Variants in SF3B3 observed in about 807,000 individuals in gnomAD.
The protein encoded by SF3B3 is SAP 130.
A neutral mutation model predicts 139.2 loss-of-function variants in SF3B3; 33 were observed. The ratio of observed to expected loss-of-function variants is 0.24; its 90% CI spans 0.18 to 0.32. The LOEUF is 0.32. Ranked by LOEUF, SF3B3 falls within the 10% of genes least tolerant of loss-of-function variation. The probability of loss-of-function intolerance (pLI) is 1.00; values close to 1 mark genes in which losing one functional copy is unlikely to be tolerated. For synonymous variants in SF3B3, 596 were observed against 563.6 expected (o/e 1.06, Z -0.81); for missense variants, 818 against 1,509.4 (o/e 0.54, Z 7.59).
At chr16:70,557,094 T>C in intron 15 of SF3B3, 65 bp downstream of exon 15, 4 of 1,482,382 alleles carry the variant, frequency 2.7e-6, no homozygotes, top group Non-Finnish European at 2.7e-6. Flanking sequence ...CACTCCTTTG[T>C]TTGATAACAG....
chr16:70,566,595 A>C (rs2050479272), intron 20 of SF3B3, among the ~76,000 whole-genome samples: 1 of 152,276 alleles, frequency 6.6e-6, no homozygotes, highest in South Asian at 2.1e-4. Flanking sequence ...GGTAAACTTT[A>C]TGTTATGACT....
chr16:70,528,551 A>G (rs1206441449), intron 2 of SF3B3, among the ~76,000 whole-genome samples: 2 of 145,510 alleles, frequency 1.4e-5, no homozygotes, highest in Non-Finnish European at 3.0e-5. Context: ...AACCCACTAC[A>G]TTCTCTGAAC....
chr16:70,551,981 A>G (rs2050331689), intron 11 of SF3B3, among the ~76,000 whole-genome samples: 1 of 152,242 alleles, frequency 6.6e-6, no homozygotes, highest in Non-Finnish European at 1.5e-5. Context: ...GATGTAAAGC[A>G]GCTTTGAGAT....
At chr16:70,558,593 A>G (rs1239617216) in intron 15 of SF3B3, among the ~76,000 whole-genome samples, 1 of 151,858 alleles carries the variant, frequency 6.6e-6, no homozygotes, top group African/African-American at 2.4e-5. Context: ...ATTTGTCTTT[A>G]TTTAAAAAAA....
At chr16:70,551,618 C>T (rs1426282038) in intron 11 of SF3B3, among the ~76,000 whole-genome samples, 3 of 152,172 alleles carry the variant, frequency 2.0e-5, no homozygotes, top group Non-Finnish European at 1.5e-5. Context: ...AGGAGAATCG[C>T]TTGAACCTGG....
At chr16:70,550,823 C>T (rs1451606981) in intron 11 of SF3B3, 1 of 184,818 alleles carries the variant, frequency 5.4e-6, no homozygotes, top group Non-Finnish European at 1.0e-5. Flanking sequence ...TAGTGCTGCA[C>T]ACCATCTGCC....
Position 70,575,484 on chromosome 16 carries a change from C to CCACT in SF3B3, c.*3672_*3675dup, listed in dbSNP as rs1203750106. 1 of 152,360 alleles carries CCACT rather than the reference C, an allele frequency of 6.6e-6. No homozygotes were observed. The highest frequency in any genetic ancestry group is 6.5e-5 in the Admixed American group (1 of 15,280). 9.4% of individuals were successfully genotyped at this position (152,360 alleles called of 1,614,324 possible). A position where few individuals can be genotyped will look rare whatever the true frequency, so the allele number is the denominator to read the frequency against. ...AAAGCGCTGGGATTACAGGCGTGAG[C>CCACT]CACTGCACTTGGCCAGGAGCTGTTT... On this transcript the variant is annotated 3_prime_UTR_variant, in exon 26 of 26. Coordinates refer to ENST00000302516, the MANE Select transcript of SF3B3 (RefSeq NM_012426.5).
intron 4 of SF3B3, among the ~76,000 whole-genome samples, chr16:70,531,484 C>T (rs564368146): frequency 6.6e-6 from 1 of 152,050 alleles, no homozygotes; most frequent in Non-Finnish European, 1.5e-5. Context: ...ACTATGTTGG[C>T]CAGGCTGGTC....
At chr16:70,539,751 C>T (rs1449673901) in intron 8 of SF3B3, among the ~76,000 whole-genome samples, 1 of 151,304 alleles carries the variant, frequency 6.6e-6, no homozygotes, top group East Asian at 1.9e-4. Context: ...CTCTTCTGAG[C>T]TTTTTGCTGA....
Position 70,544,498 on chromosome 16 carries a change from C to G in SF3B3, c.1294C>G (p.Arg432Gly), listed in dbSNP as rs750809956. The change falls in exon 10 of 26, where the codon CGA becomes GGA. Residue 432 changes from arginine (R) to glycine (G), a missense_variant. Physicochemically the swap from Arg to Gly is moderately radical, Grantham distance 125. Transcript: ENST00000302516. ...GTATGTGGCCTGTGGTAGGGGACCCCGATCATCTCTGAGAGTCCTAAGACA... is the reference window on the plus strand; with the variant it reads ...GTATGTGGCCTGTGGTAGGGGACCCGGATCATCTCTGAGAGTCCTAAGACA... ...QLYVACGRGP[R>G]SSLRVLRHGL... is the part of the protein sequence containing the mutation. 6.2e-7 allele frequency: 1 copy of G among 1,611,714 alleles called. No homozygotes were observed. Among genetic ancestry groups the G allele is most frequent in the Non-Finnish European group, 8.5e-7 (1 of 1,177,916 alleles).
chr16:70,554,278 T>A, intron 11 of SF3B3, 168 bp from the exon 12 acceptor site: 1 of 586,142 alleles, frequency 1.7e-6, no homozygotes. Context: ...CCCCTAGTTT[T>A]CTTCTGGATC....
At position 70,571,088 on chromosome 16, in the gene SF3B3, C is replaced by T. The variant is rs1463128434; in HGVS notation, c.3409-7C>T. 2 of 1,609,968 alleles carry T rather than the reference C, an allele frequency of 1.2e-6. No individual in the cohort carries two copies. The highest frequency in any genetic ancestry group is 1.7e-6 in the Non-Finnish European group (2 of 1,176,458). On this transcript the variant is annotated splice_region_variant and splice_polypyrimidine_tract_variant and intron_variant, in intron 24 of 25. Transcript: ENST00000302516. ...CTCAGTGACAGATTTTTTGTTTCTT[C>T]TGCCAGGACCATGACTTCTTCCAGC...
At chr16:70,543,262 T>C (rs1393409308) in intron 9 of SF3B3, among the ~76,000 whole-genome samples, 1 of 150,764 alleles carries the variant, frequency 6.6e-6, no homozygotes, top group African/African-American at 2.4e-5. Flanking sequence ...AATACAAAAT[T>C]AGCCAGGCAT....
At chr16:70,556,797 T>G in intron 14 of SF3B3, 89 bp from the exon 15 acceptor site, 1 of 1,492,296 alleles carries the variant, frequency 6.7e-7, no homozygotes, top group South Asian at 1.2e-5. Flanking sequence ...GGAAGTACTT[T>G]TTCAATCCTA....
intron 2 of SF3B3, among the ~76,000 whole-genome samples, chr16:70,527,736 TTTTG>T (rs936494607): frequency 5.9e-5 from 9 of 152,010 alleles, no homozygotes; most frequent in South Asian, 2.1e-4. Context: ...CGTTTTTGTT[TTTTG>T]TTTGTTTTGT....
chr16:70,526,699 A>C lies in SF3B3; in HGVS notation c.43A>C (p.Ser15Arg), dbSNP rs2050067790. 1.2e-6 allele frequency: 2 copies of C among 1,613,986 alleles called. No individual in the cohort carries two copies. The highest frequency in any genetic ancestry group is 1.7e-6 in the Non-Finnish European group (2 of 1,179,952). ...AACCTTGCAGAGAGCCACTGGCATC[A>C]GCTTTGCCATTCATGGAAACTTTTC... is the stretch of plus-strand genomic sequence containing the variant. Reference protein sequence around the residue: ...NLTLQRATGISFAIHGNFSGT... With the variant: ...NLTLQRATGIRFAIHGNFSGT... The change falls in exon 2 of 26, where the codon AGC (serine) becomes CGC (arginine). Residue 15 changes from serine (S) to arginine (R), a missense_variant. Ser to Arg is a moderately radical substitution (Grantham distance 110). Around this residue, in one of 14 missense-constraint regions of SF3B3, gnomAD observed 144 missense variants for 259.2 expected, o/e 0.56. Transcript: ENST00000302516.
chr16:70,575,841 A>G lies in SF3B3; in HGVS notation c.*4028A>G, dbSNP rs2050574832. 1 of 152,260 alleles carries G rather than the reference A, an allele frequency of 6.6e-6. No individual in the cohort carries two copies. The highest frequency in any genetic ancestry group is 1.5e-5 in the Non-Finnish European group (1 of 68,066). The allele number at this position is 152,260 out of a possible 1,614,324, so 9.4% of individuals were successfully genotyped here. A position where few individuals can be genotyped will look rare whatever the true frequency, so the allele number is the denominator to read the frequency against. On this transcript the variant is annotated 3_prime_UTR_variant, in exon 26 of 26. Coordinates refer to ENST00000302516, the MANE Select transcript of SF3B3 (RefSeq NM_012426.5). ...GGCAGCAGGGGTTTTAGGTCAGGAAATGGTAGGAAACCTGTAGTTGTGGCT... is the reference window on the plus strand; with the variant it reads ...GGCAGCAGGGGTTTTAGGTCAGGAAGTGGTAGGAAACCTGTAGTTGTGGCT...
At position 70,568,277 on chromosome 16, in the gene SF3B3, T is replaced by G. The variant is rs2050496248; in HGVS notation, c.2953-6T>G. On this transcript the variant is annotated splice_polypyrimidine_tract_variant and splice_region_variant and intron_variant, in intron 21 of 25. Coordinates refer to ENST00000302516, the MANE Select transcript of SF3B3 (RefSeq NM_012426.5). Reference sequence around the variant, plus strand: ...CCACCATCACTATTGTCTTTGTTTTTCCCAGCATATTGCCAATTATATCTC... The same window carrying G: ...CCACCATCACTATTGTCTTTGTTTTGCCCAGCATATTGCCAATTATATCTC... The G allele has an allele frequency of 6.2e-7, 1 of 1,604,218 alleles. No homozygotes were observed. Among genetic ancestry groups the G allele is most frequent in the Non-Finnish European group, 8.5e-7 (1 of 1,171,232 alleles).
intron 10 of SF3B3, among the ~76,000 whole-genome samples, chr16:70,547,885 C>T (rs1322666618): frequency 6.6e-6 from 1 of 152,062 alleles, no homozygotes; most frequent in African/African-American, 2.4e-5. Context: ...CCACTGGGCC[C>T]AGCCGGTGGT....
Sources: gnomAD v4.1 joint callset for allele counts (sites outside exome capture counted in the v4.1 genomes callset) on GRCh38, gnomAD v4.1.1 for gene constraint, gnomAD v4.1.1 regional missense constraint, MANE v1.5 for transcripts, NCBI Gene and HGNC (gene_info 2026-07-23, HGNC 2026-07-21) for gene names.